The following DLG5 variants were observed in gnomAD, a reference collection of about 807,000 sequenced individuals.
The protein encoded by DLG5 is discs large MAGUK scaffold protein 5.
In DLG5, 48 loss-of-function variants were observed where a neutral mutation model predicts 189.8. The ratio of observed to expected loss-of-function variants is 0.25; its 90% CI spans 0.20 to 0.32. The LOEUF (loss-of-function observed/expected upper bound fraction) is 0.32, where lower values mean the gene tolerates loss of function less well. Among genes scored for constraint, DLG5 ranks in the 10% least tolerant of loss-of-function variants. The pLI is 1.00. For missense variants in DLG5, 2,160 were observed against 2,544.7 expected (o/e 0.85, Z 3.25); for synonymous variants, 1,016 against 1,054.1 (o/e 0.96, Z 0.70).
At chr10:77,884,737 C>A (rs553572668) in intron 1 of DLG5, among the ~76,000 whole-genome samples, 2 of 152,260 alleles carry the variant, frequency 1.3e-5, no homozygotes, top group South Asian at 4.2e-4. Flanking sequence ...GTTTGGCTAT[C>A]AGAGGCGCTC....
intron 1 of DLG5, among the ~76,000 whole-genome samples, chr10:77,897,773 A>G (rs1845808476): frequency 6.6e-6 from 1 of 152,124 alleles, no homozygotes; most frequent in Non-Finnish European, 1.5e-5. Context: ...AAGATCTATC[A>G]TATAATTTCT....
chr10:77,830,154 G>C (rs897497277), intron 11 of DLG5, 63 bp downstream of exon 11: 30 of 1,603,048 alleles, frequency 1.9e-5, no homozygotes, highest in African/African-American at 4.0e-5. Context: ...GGCTCTCTTC[G>C]GGTCCTCTGC....
intron 1 of DLG5, among the ~76,000 whole-genome samples, chr10:77,893,516 G>A (rs910682759): frequency 1.4e-4 from 21 of 152,210 alleles, no homozygotes; most frequent in African/African-American, 4.6e-4. Flanking sequence ...TTGGGGGCAC[G>A]GCAAAGGGCT....
Position 77,924,171 on chromosome 10 carries a change from T to C in DLG5, c.304+2046A>G, listed in dbSNP as rs558111704. On this transcript the variant is annotated intron_variant, in intron 1 of 31. Coordinates refer to ENST00000372391, the MANE Select transcript of DLG5 (RefSeq NM_004747.4). Reference sequence around the variant, plus strand: ...TGAGCCACCACACCCAACCAGCGTTTTTCTAATGCATTAAGTAAAATGAAC... The same window carrying C: ...TGAGCCACCACACCCAACCAGCGTTCTTCTAATGCATTAAGTAAAATGAAC... 2.6e-5 allele frequency among the ~76,000 whole-genome samples: 4 copies of C among 152,304 alleles called. No homozygotes were observed. In the South Asian group the frequency reaches 6.2e-4, roughly 24 times the overall value.
At chr10:77,865,666 G>C (rs558046088) in intron 2 of DLG5, among the ~76,000 whole-genome samples, 1 of 152,206 alleles carries the variant, frequency 6.6e-6, no homozygotes, top group Middle Eastern at 3.2e-3. Flanking sequence ...CCTGAAACGA[G>C]TGTGCAGTCC....
intron 2 of DLG5, among the ~76,000 whole-genome samples, chr10:77,865,215 A>G (rs1317238289): frequency 1.3e-5 from 2 of 152,154 alleles, no homozygotes; most frequent in Non-Finnish European, 2.9e-5. Context: ...CGTGATCCCT[A>G]TGAGTACCAA....
At chr10:77,926,983 A>C (rs531483470), upstream of DLG5, 176 of 373,584 alleles carry the variant, frequency 4.7e-4, no homozygotes, top group African/African-American at 3.6e-3. This position sits in a 1 kb window ranked among gnomAD's most constrained non-coding sequence, Gnocchi z 5.2. Context: ...CGTGTTTCCC[A>C]GGCTCCCGAC....
chr10:77,895,884 G>T lies in DLG5; in HGVS notation c.305-26687C>A, dbSNP rs558289547. On this transcript the variant is annotated intron_variant, in intron 1 of 31. Coordinates refer to ENST00000372391, the MANE Select transcript of DLG5 (RefSeq NM_004747.4). Reference sequence around the variant, plus strand: ...TGTACCACTGCCAGGAGTGTTACAGGTTATTTGACATAAAACAGAGAAAAA... The same window carrying T: ...TGTACCACTGCCAGGAGTGTTACAGTTTATTTGACATAAAACAGAGAAAAA... Among the ~76,000 whole-genome samples the T allele has an allele frequency of 3.9e-5, 6 of 152,226 alleles. No individual in the cohort carries two copies. The East Asian group carries it at 1.2e-3, about 30-fold the overall frequency.
chr10:77,803,886 ATTTTTTTT>A (rs71030905), intron 27 of DLG5, among the ~76,000 whole-genome samples: 1 of 129,412 alleles, frequency 7.7e-6, no homozygotes, highest in African/African-American at 3.0e-5. Context: ...ACAGGTTGGC[ATTTTTTTT>A]TTTTTTTTTT....
chr10:77,892,075 C>T (rs1366493154), intron 1 of DLG5, among the ~76,000 whole-genome samples: 1 of 152,216 alleles, frequency 6.6e-6, no homozygotes, highest in Non-Finnish European at 1.5e-5. Flanking sequence ...AGGACGGACA[C>T]ACCCACAGGC....
At chr10:77,827,907 TGG>T (rs1385200273) in intron 13 of DLG5, among the ~76,000 whole-genome samples, 1 of 152,130 alleles carries the variant, frequency 6.6e-6, no homozygotes, top group Non-Finnish European at 1.5e-5. Context: ...ACATATGGTT[TGG>T]GCTGAGTGCT....
In DLG5 at chr10:77,858,225, G is replaced by A. The variant is rs189626658; in HGVS notation, c.374-1333C>T. Reference sequence around the variant, plus strand: ...CGACAGTCATGTGCCACATAACAACGTTTCAGTCAATGATGGTGGACCACA... The same window carrying A: ...CGACAGTCATGTGCCACATAACAACATTTCAGTCAATGATGGTGGACCACA... On this transcript the variant is annotated intron_variant, in intron 2 of 31. Coordinates refer to ENST00000372391, the MANE Select transcript of DLG5 (RefSeq NM_004747.4). 2.4e-3 allele frequency among the ~76,000 whole-genome samples: 363 copies of A among 152,056 alleles called. 2 individuals carry two copies. The highest frequency in any genetic ancestry group is 0.023 in the South Asian group (112 of 4,828).
intron 1 of DLG5, among the ~76,000 whole-genome samples, chr10:77,920,738 T>C (rs959565895): frequency 6.6e-6 from 1 of 152,146 alleles, no homozygotes; most frequent in Admixed American, 6.5e-5. Flanking sequence ...CTTTCTTCCC[T>C]GGTCAGGGGC....
chr10:77,872,798 C>T (rs767839151), intron 1 of DLG5, among the ~76,000 whole-genome samples: 2 of 151,966 alleles, frequency 1.3e-5, no homozygotes, highest in South Asian at 2.1e-4. Context: ...TCTGGGGTTT[C>T]GCCATCAAAT....
intron 10 of DLG5, among the ~76,000 whole-genome samples, 161 bp from the exon 11 acceptor site, chr10:77,830,505 C>T (rs1225461774): frequency 1.3e-5 from 2 of 152,220 alleles, no homozygotes; most frequent in Non-Finnish European, 2.9e-5. Context: ...GTATCTGCAA[C>T]CTGCCCCTTC....
At chr10:77,897,350 C>T (rs1171939129) in intron 1 of DLG5, among the ~76,000 whole-genome samples, 1 of 151,212 alleles carries the variant, frequency 6.6e-6, no homozygotes, top group Admixed American at 6.6e-5. Flanking sequence ...AGAGAGACTC[C>T]ATCTCCAAAA....
chr10:77,869,829 A>G (rs534393851), intron 1 of DLG5, among the ~76,000 whole-genome samples: 12 of 152,200 alleles, frequency 7.9e-5, no homozygotes, highest in Non-Finnish European at 7.4e-5. Flanking sequence ...TTGAATTCAA[A>G]TATCTTCAAA....
At chr10:77,873,693 C>T (rs148379702) in intron 1 of DLG5, among the ~76,000 whole-genome samples, 130 of 152,238 alleles carry the variant, frequency 8.5e-4, no homozygotes, top group Middle Eastern at 6.8e-3. Flanking sequence ...TGGTGACTCA[C>T]GCTTCCTCTT....
intron 9 of DLG5, among the ~76,000 whole-genome samples, chr10:77,833,210 C>G (rs956520329): frequency 1.3e-5 from 2 of 152,120 alleles, no homozygotes; most frequent in Non-Finnish European, 1.5e-5. Flanking sequence ...CTACTAAAGG[C>G]CACTGAGTGT....
Sources: gnomAD v4.1 joint callset for allele counts (sites outside exome capture counted in the v4.1 genomes callset) on GRCh38, gnomAD v4.1.1 for gene constraint, Gnocchi (gnomAD v3.1) non-coding constraint, MANE v1.5 for transcripts, NCBI Gene and HGNC (gene_info 2026-07-23, HGNC 2026-07-21) for gene names.